Variants in RNF217 observed in about 807,000 individuals in gnomAD.
RNF217 encodes the protein ring finger protein 217.
Under a neutral mutation model 57.8 loss-of-function variants are expected in RNF217, and 31 were observed. The ratio of observed to expected loss-of-function variants is 0.54; its 90% CI spans 0.40 to 0.72. The LOEUF is 0.72. Among genes scored for constraint, RNF217 ranks in the 30% least tolerant of loss-of-function variants. The pLI, the probability that RNF217 is intolerant of heterozygous loss-of-function variation, is 0.00. For synonymous variants in RNF217, 313 were observed against 294.0 expected (o/e 1.06, Z -0.66); for missense variants, 696 against 708.3 (o/e 0.98, Z 0.20).
At chr6:125,081,995 GC>G (rs1171147952) in intron 5 of RNF217, among the ~76,000 whole-genome samples, 1 of 151,990 alleles carries the variant, frequency 6.6e-6, no homozygotes, top group African/African-American at 2.4e-5. Flanking sequence ...GCAGTGATTT[GC>G]ATAGTTTTAT....
At chr6:125,040,115 G>C (rs182410657) in intron 1 of RNF217, among the ~76,000 whole-genome samples, 11 of 152,048 alleles carry the variant, frequency 7.2e-5, no homozygotes, top group Admixed American at 2.6e-4. Flanking sequence ...AGGAGATAGA[G>C]ACATGAAAAA....
At chr6:124,993,837 C>T (rs528539869) in intron 1 of RNF217, among the ~76,000 whole-genome samples, 1 of 152,178 alleles carries the variant, frequency 6.6e-6, no homozygotes, top group South Asian at 2.1e-4. Flanking sequence ...AGTGCCACAG[C>T]TGAAAGAGCA....
rs1784272622 is a variant in RNF217, at chr6:124,983,967, C to CA, written c.882+20542dup. Among the ~76,000 whole-genome samples, 2 of 152,098 alleles carry CA rather than the reference C, an allele frequency of 1.3e-5. 1 individual carries two copies. Among genetic ancestry groups the CA allele is most frequent in the African/African-American group, 4.8e-5 (2 of 41,420 alleles). On this transcript the variant is annotated intron_variant, in intron 1 of 5. Coordinates refer to ENST00000521654, the MANE Select transcript of RNF217 (RefSeq NM_001286398.3). ...GCACCTTCTATGCATCCTCACGTGA[C>CA]AGAAGGGGCAACACAAGCTCTCTGA... is the stretch of plus-strand genomic sequence containing the variant.
intron 1 of RNF217, among the ~76,000 whole-genome samples, chr6:124,970,382 A>T (rs150942659): frequency 2.6e-5 from 4 of 152,220 alleles, no homozygotes; most frequent in African/African-American, 9.6e-5. Flanking sequence ...GTGAAGTTAG[A>T]ACTGACAGAA....
chr6:125,081,401 A>G (rs1384239851), intron 4 of RNF217, 35 bp from the exon 5 acceptor site: 31 of 1,536,726 alleles, frequency 2.0e-5, no homozygotes, highest in Non-Finnish European at 2.8e-5. Context: ...GTTAGTTTTA[A>G]GACTCCTTAA....
chr6:125,063,470 C>G (rs981679922), intron 3 of RNF217, among the ~76,000 whole-genome samples: 1 of 152,046 alleles, frequency 6.6e-6, no homozygotes, highest in Non-Finnish European at 1.5e-5. Context: ...TACCTTTGTC[C>G]GGTGCTCTTT....
intron 1 of RNF217, among the ~76,000 whole-genome samples, chr6:124,991,904 A>G (rs558952341): frequency 1.1e-3 from 173 of 152,322 alleles, no homozygotes; most frequent in African/African-American, 3.2e-3. Context: ...CTTTTCTGTC[A>G]TACCAGAAAG....
intron 1 of RNF217, among the ~76,000 whole-genome samples, chr6:125,002,864 C>T (rs1785042031): frequency 1.3e-5 from 2 of 152,090 alleles, no homozygotes; most frequent in African/African-American, 4.8e-5. Context: ...CTTTATTAGG[C>T]AGAGGAGGCT....
chr6:125,075,509 G>A (rs539191022), intron 3 of RNF217, among the ~76,000 whole-genome samples: 108 of 152,138 alleles, frequency 7.1e-4, no homozygotes, highest in South Asian at 3.1e-3. Context: ...AATGCCAGAC[G>A]CTTACAAAAC....
chr6:124,975,637 A>C (rs977861590), intron 1 of RNF217, among the ~76,000 whole-genome samples: 1 of 152,116 alleles, frequency 6.6e-6, no homozygotes, highest in African/African-American at 2.4e-5. Flanking sequence ...GAGTTCTGCC[A>C]TGTTGCCCAG....
chr6:125,045,806 C>T (rs1293162420), intron 2 of RNF217, among the ~76,000 whole-genome samples: 1 of 151,512 alleles, frequency 6.6e-6, no homozygotes, highest in African/African-American at 2.4e-5. Context: ...ATGTAAGTCT[C>T]CTCTTGTTCT....
At chr6:124,980,295 C>G (rs2115012352) in intron 1 of RNF217, among the ~76,000 whole-genome samples, 1 of 152,228 alleles carries the variant, frequency 6.6e-6, no homozygotes, top group South Asian at 2.1e-4. Flanking sequence ...TTGCAATTTG[C>G]TTTTTTTCAG....
At chr6:125,006,261 A>G (rs900869520) in intron 1 of RNF217, 2 of 152,232 alleles carry the variant, frequency 1.3e-5, no homozygotes, top group Non-Finnish European at 2.9e-5. Context: ...CGAGTTTCCA[A>G]AATTCACATT....
chr6:125,050,854 T>C (rs1787286440), intron 2 of RNF217, among the ~76,000 whole-genome samples: 1 of 151,698 alleles, frequency 6.6e-6, no homozygotes, highest in Non-Finnish European at 1.5e-5. Context: ...CAGGAGCCCA[T>C]AGAAAAAAAG....
At chr6:124,985,397 GA>G (rs1784335193) in intron 1 of RNF217, among the ~76,000 whole-genome samples, 1 of 152,118 alleles carries the variant, frequency 6.6e-6, no homozygotes, top group Non-Finnish European at 1.5e-5. Flanking sequence ...TCACATCATG[GA>G]AAATGGTATA....
Position 125,054,755 on chromosome 6 carries a change from T to C in RNF217, c.1117-3187T>C, listed in dbSNP as rs146237473. 8.5e-5 allele frequency among the ~76,000 whole-genome samples: 13 copies of C among 152,280 alleles called. No homozygotes were observed. In the East Asian group the frequency reaches 1.6e-3, roughly 18 times the overall value. On this transcript the variant is annotated intron_variant, in intron 2 of 5. Transcript: ENST00000521654. ...AGTGCCTCTCAAACTTTAGGATGCA[T>C]ACAAATCACCTTCGGACCTTGTGAA...
At chr6:125,020,418 T>G (rs1785792358) in intron 1 of RNF217, among the ~76,000 whole-genome samples, 1 of 152,208 alleles carries the variant, frequency 6.6e-6, no homozygotes. Flanking sequence ...CAATATTCTG[T>G]GAGCATTTGG....
chr6:125,031,754 T>G (rs923251103), intron 1 of RNF217, among the ~76,000 whole-genome samples: 8 of 152,222 alleles, frequency 5.3e-5, no homozygotes, highest in African/African-American at 1.9e-4. Flanking sequence ...TATCTTCTTC[T>G]GAGCCCTCCA....
At chr6:125,064,250 A>T (rs1460779811) in intron 3 of RNF217, among the ~76,000 whole-genome samples, 1 of 152,168 alleles carries the variant, frequency 6.6e-6, no homozygotes, top group Non-Finnish European at 1.5e-5. Flanking sequence ...AACCATTTTT[A>T]ACTCTCCAGA....
Sources: allele counts gnomAD v4.1 joint callset (sites outside exome capture counted in the v4.1 genomes callset), GRCh38; gene constraint gnomAD v4.1.1; transcripts MANE v1.5; gene names NCBI Gene and HGNC (gene_info 2026-07-23, HGNC 2026-07-21).